The following SGK3 variants were observed in gnomAD, a reference collection of about 807,000 sequenced individuals.
SGK3 encodes the protein serum/glucocorticoid regulated kinase family member 3, also known as serine/threonine-protein kinase Sgk3.
In SGK3, 47 loss-of-function variants were observed where a neutral mutation model predicts 68.5. The ratio of observed to expected loss-of-function variants is 0.69; its 90% CI spans 0.54 to 0.87. The LOEUF (loss-of-function observed/expected upper bound fraction) is 0.87, where lower values mean the gene tolerates loss of function less well. SGK3 is among the 40% of genes least tolerant of loss of function. The probability of loss-of-function intolerance (pLI) is 0.00; values close to 1 mark genes in which losing one functional copy is unlikely to be tolerated. For missense variants in SGK3, 479 were observed against 575.5 expected, an observed-to-expected ratio of 0.83 and a Z score of 1.72; for synonymous variants, 181 against 189.1, an observed-to-expected ratio of 0.96 and a Z score of 0.35.
chr8:66,753,701 T>G (rs758170498), intron 1 of SGK3, among the ~76,000 whole-genome samples: 4 of 152,010 alleles, frequency 2.6e-5, no homozygotes, highest in Non-Finnish European at 4.4e-5. Flanking sequence ...GTGCCTGTAT[T>G]CCCAGCTACT....
chr8:66,828,982 G>T (rs1563649477), intron 7 of SGK3, among the ~76,000 whole-genome samples: 1 of 151,372 alleles, frequency 6.6e-6, no homozygotes, highest in Non-Finnish European at 1.5e-5. Flanking sequence ...GTGTGTGTGT[G>T]TGTGTGTGTG....
intron 1 of SGK3, among the ~76,000 whole-genome samples, chr8:66,760,108 C>T (rs1327882887): frequency 1.3e-5 from 2 of 152,120 alleles, no homozygotes; most frequent in Admixed American, 1.3e-4. Context: ...CAAATATTCA[C>T]ATTTCATGTA....
chr8:66,738,440 G>A (rs1182891942), intron 1 of SGK3, among the ~76,000 whole-genome samples: 1 of 152,182 alleles, frequency 6.6e-6, no homozygotes, highest in Non-Finnish European at 1.5e-5. Flanking sequence ...GCAAGATCAA[G>A]TCCAAGGTCC....
intron 1 of SGK3, among the ~76,000 whole-genome samples, chr8:66,764,607 T>C (rs1806263928): frequency 6.6e-6 from 1 of 152,124 alleles, no homozygotes. Flanking sequence ...TAGCTGGGAC[T>C]ACAGGCATGC....
At chr8:66,843,113 A>G (rs1313862674) in intron 13 of SGK3, among the ~76,000 whole-genome samples, 2 of 152,180 alleles carry the variant, frequency 1.3e-5, no homozygotes, top group Non-Finnish European at 2.9e-5. Context: ...ATGAATAATG[A>G]CCAAATGAAC....
intron 1 of SGK3, among the ~76,000 whole-genome samples, chr8:66,733,646 G>GT (rs576579110): frequency 8.5e-5 from 13 of 152,198 alleles, no homozygotes; most frequent in Non-Finnish European, 1.9e-4. Flanking sequence ...GTAACTCTTA[G>GT]TAAGTGATTT....
chr8:66,716,789 A>T (rs1804646259), intron 1 of SGK3, among the ~76,000 whole-genome samples: 1 of 152,220 alleles, frequency 6.6e-6, no homozygotes, highest in Non-Finnish European at 1.5e-5. Context: ...AACTAGAAAC[A>T]TCTCTTGGCA....
chr8:66,839,935 T>G, intron 10 of SGK3, 68 bp from the exon 11 acceptor site: 1 of 1,375,678 alleles, frequency 7.3e-7, no homozygotes, highest in Non-Finnish European at 1.0e-6. Flanking sequence ...CCGAATATAT[T>G]TGTTTAATGC....
At chr8:66,770,274 T>C (rs1386621008) in intron 1 of SGK3, among the ~76,000 whole-genome samples, 3 of 152,200 alleles carry the variant, frequency 2.0e-5, no homozygotes, top group Non-Finnish European at 4.4e-5. Flanking sequence ...ACTTTTTATC[T>C]CATTATTGGT....
At chr8:66,746,099 T>G (rs1384721470) in intron 1 of SGK3, among the ~76,000 whole-genome samples, 1 of 152,208 alleles carries the variant, frequency 6.6e-6, no homozygotes, top group Non-Finnish European at 1.5e-5. Flanking sequence ...ATTCAGGTTT[T>G]CTAGAAAAGC....
intron 1 of SGK3, among the ~76,000 whole-genome samples, chr8:66,733,645 A>G (rs1159667538): frequency 1.3e-5 from 2 of 152,206 alleles, no homozygotes. Context: ...AGTAACTCTT[A>G]GTAAGTGATT....
At chr8:66,731,634 A>G (rs1168527802) in intron 1 of SGK3, among the ~76,000 whole-genome samples, 1 of 152,108 alleles carries the variant, frequency 6.6e-6, no homozygotes, top group Admixed American at 6.6e-5. Flanking sequence ...TCCTGGGTTC[A>G]TGCCATTCTC....
At chr8:66,810,189 C>A (rs1808326650) in intron 4 of SGK3, among the ~76,000 whole-genome samples, 1 of 149,846 alleles carries the variant, frequency 6.7e-6, no homozygotes, top group African/African-American at 2.5e-5. Context: ...AAGATACTGC[C>A]ATTTAGAAAT....
intron 1 of SGK3, among the ~76,000 whole-genome samples, chr8:66,767,046 T>C (rs1245441509): frequency 1.3e-5 from 2 of 152,194 alleles, no homozygotes; most frequent in Non-Finnish European, 2.9e-5. Context: ...GATTTCTCCA[T>C]GTTGGTCAGG....
chr8:66,853,881 C>T (rs1368215428), intron 16 of SGK3, among the ~76,000 whole-genome samples: 2 of 152,074 alleles, frequency 1.3e-5, no homozygotes, highest in Non-Finnish European at 2.9e-5. Flanking sequence ...TCTTTTTTTG[C>T]TATAAAACTT....
At chr8:66,792,212 C>G (rs1807489098) in intron 1 of SGK3, among the ~76,000 whole-genome samples, 1 of 151,736 alleles carries the variant, frequency 6.6e-6, no homozygotes, top group Non-Finnish European at 1.5e-5. Context: ...GCCCGTAATT[C>G]CAGCTACTTG....
chr8:66,822,294 T>G, intron 5 of SGK3, 78 bp from the exon 6 acceptor site: 1 of 1,339,286 alleles, frequency 7.5e-7, no homozygotes, highest in Non-Finnish European at 1.0e-6. Flanking sequence ...GTTATTTCTA[T>G]TTTGATTTTC....
At chr8:66,845,341 G>A (rs548044401) in intron 14 of SGK3, among the ~76,000 whole-genome samples, 1 of 152,122 alleles carries the variant, frequency 6.6e-6, no homozygotes, top group African/African-American at 2.4e-5. Context: ...GGAGGTTACA[G>A]TGAGTGGAGA....
intron 1 of SGK3, among the ~76,000 whole-genome samples, chr8:66,749,348 C>T (rs901959910): frequency 1.4e-4 from 22 of 152,036 alleles, no homozygotes; most frequent in Non-Finnish European, 3.1e-4. Context: ...TCCATCTCTA[C>T]CCACTACACT....
Sources: allele counts gnomAD v4.1 joint callset (sites outside exome capture counted in the v4.1 genomes callset), GRCh38; gene constraint gnomAD v4.1.1; transcripts MANE v1.5; gene names NCBI Gene and HGNC (gene_info 2026-07-23, HGNC 2026-07-21).